The following DLEC1 variants were observed in gnomAD, a reference collection of about 807,000 sequenced individuals.
DLEC1 encodes the protein DLEC1 cilia and flagella associated protein.
Under a neutral mutation model 198.1 loss-of-function variants are expected in DLEC1, and 146 were observed. That is an observed-to-expected ratio of 0.74 (90% CI 0.64 to 0.85). The LOEUF is 0.85. Among genes scored for constraint, DLEC1 ranks in the 40% least tolerant of loss-of-function variants. DLEC1 has a pLI of 0.00. For synonymous variants in DLEC1, 897 were observed against 866.8 expected, an observed-to-expected ratio of 1.03 and a Z score of -0.61; for missense variants, 2,233 against 2,220.0, an observed-to-expected ratio of 1.01 and a Z score of -0.12.
At position 38,115,143 on chromosome 3, in the gene DLEC1, A is replaced by G. The variant is rs1007804042; in HGVS notation, c.3856+90A>G. 6.8e-6 allele frequency: 10 copies of G among 1,460,848 alleles called. No homozygotes were observed. The African/African-American group carries it at 1.4e-4, about 20-fold the overall frequency. 90.5% of individuals were successfully genotyped at this position (1,460,848 alleles called of 1,614,324 possible). ...GGGAGGGAAGGTGGGAGGGAAGCCG[A>G]TGGCCCATGAACAGGACCCAGGTGT... On this transcript the variant is annotated intron_variant, in intron 27 of 36. Coordinates refer to ENST00000308059, the MANE Select transcript of DLEC1 (RefSeq NM_007335.4).
chr3:38,095,141 T>G, intron 13 of DLEC1, 70 bp downstream of exon 13: 2 of 1,562,512 alleles, frequency 1.3e-6, no homozygotes, highest in South Asian at 2.4e-5. Context: ...CCTGTGTTCC[T>G]CAATCACACT....
chr3:38,060,698 ATT>A (rs11410521), intron 3 of DLEC1, among the ~76,000 whole-genome samples: 1 of 147,308 alleles, frequency 6.8e-6, no homozygotes, highest in Non-Finnish European at 1.5e-5. Flanking sequence ...GCCACTTAGT[ATT>A]TTTTTTTTTT....
At chr3:38,083,811 T>C (rs1356058300) in intron 6 of DLEC1, among the ~76,000 whole-genome samples, 2 of 144,608 alleles carry the variant, frequency 1.4e-5, no homozygotes, top group African/African-American at 5.2e-5. Flanking sequence ...TTTTTTTTTT[T>C]GGTAGAGAGA....
At position 38,059,757 on chromosome 3, in the gene DLEC1, G is replaced by A. The variant is rs76603930; in HGVS notation, c.578G>A (p.Arg193Lys). 4.9e-4 allele frequency: 798 copies of A among 1,614,072 alleles called. 4 individuals are homozygous for A. The African/African-American group carries it at 7.4e-3, about 15-fold the overall frequency. Reference protein sequence around the residue: ...VRLPPVKSVSRWCIDSELLRK... With the variant: ...VRLPPVKSVSKWCIDSELLRK... ...TTCTATGAAGTGAAGAGTGTCTCCA[G>A]ATGGTGTATAGACAGCGAGTTGCTA... The change falls in exon 3 of 37, where the codon AGA (arginine) becomes AAA (lysine). Residue 193 changes from arginine (R) to lysine (K), a missense_variant. Transcript: ENST00000308059.
At chr3:38,105,176 G>A (rs564732192) in intron 19 of DLEC1, among the ~76,000 whole-genome samples, 47 of 152,102 alleles carry the variant, frequency 3.1e-4, no homozygotes, top group Admixed American at 2.0e-3. Context: ...AATTATAGTC[G>A]TTTAAAACTT....
intron 1 of DLEC1, 117 bp from the exon 2 acceptor site, chr3:38,045,426 T>C: frequency 7.4e-7 from 1 of 1,354,254 alleles, no homozygotes; most frequent in Non-Finnish European, 9.9e-7. Context: ...GTTGGAATAG[T>C]TCTCTGACTA....
In DLEC1 at chr3:38,092,813, A is replaced by G; in HGVS notation, c.1689A>G (p.Leu563=). 6.2e-7 allele frequency: 1 copy of G among 1,614,184 alleles called. No homozygotes were observed. Among genetic ancestry groups the G allele is most frequent in the South Asian group, 1.1e-5 (1 of 91,090 alleles). The part of the protein sequence containing the change: ...LVEVLFSPKS[L]GKAEQTFIIM... ...AGGTCTTGTTTTCCCCAAAGAGCCT[A>G]GGAAAGGCAGAGCAGACCTTCATCA... The change falls in exon 11 of 37, where the codon CTA becomes CTG. Residue 563 remains leucine (L), a synonymous_variant. Coordinates refer to ENST00000308059, the MANE Select transcript of DLEC1 (RefSeq NM_007335.4).
At chr3:38,074,497 G>C (rs551241776) in intron 6 of DLEC1, among the ~76,000 whole-genome samples, 10 of 152,312 alleles carry the variant, frequency 6.6e-5, no homozygotes, top group Middle Eastern at 3.4e-3. Context: ...CTGGGTTTTC[G>C]TCTTTACCTT....
In DLEC1 at chr3:38,112,802, C is replaced by G. The variant is rs906755132; in HGVS notation, c.3666+441C>G. 2.0e-5 allele frequency among the ~76,000 whole-genome samples: 3 copies of G among 152,170 alleles called. No homozygotes were observed. Among genetic ancestry groups the G allele is most frequent in the Non-Finnish European group, 2.9e-5 (2 of 68,034 alleles). ...CCAGCACTCAGCATAAATGGAGTAT[C>G]TACTGTGTGTGGGTTCCTGTGTGGG... On this transcript the variant is annotated intron_variant, in intron 25 of 36. Transcript: ENST00000308059. This position sits in a 1 kb window ranked among gnomAD's most constrained non-coding sequence, Gnocchi z 4.8.
Position 38,092,848 on chromosome 3 carries a change from A to T in DLEC1, c.1724A>T (p.Asp575Val), listed in dbSNP as rs1376920706. The change falls in exon 11 of 37, where the codon GAC (aspartate) becomes GTC (valine). Residue 575 changes from aspartate to valine, a missense_variant. Coordinates refer to ENST00000308059, the MANE Select transcript of DLEC1 (RefSeq NM_007335.4). ...KAEQTFIIMC[D>V]NCQIKELVTI... The stretch of plus-strand genomic sequence containing the variant: ...GAGCAGACCTTCATCATCATGTGCG[A>T]CAACTGCCAGATAAAGGAGCTGGTG... 2 of 1,614,172 alleles carry T rather than the reference A, an allele frequency of 1.2e-6. No individual in the cohort carries two copies. Among genetic ancestry groups the T allele is most frequent in the South Asian group, 1.1e-5 (1 of 91,080 alleles).
At chr3:38,110,463 C>T (rs532711094) in intron 23 of DLEC1, among the ~76,000 whole-genome samples, 182 bp downstream of exon 23, 1 of 152,284 alleles carries the variant, frequency 6.6e-6, no homozygotes, top group East Asian at 1.9e-4. Flanking sequence ...CCTCCCGGGC[C>T]CTGAGTGGGC....
chr3:38,067,400 C>T (rs1386968829), intron 6 of DLEC1, among the ~76,000 whole-genome samples: 1 of 152,248 alleles, frequency 6.6e-6, no homozygotes, highest in Non-Finnish European at 1.5e-5. Flanking sequence ...AGGTTAATAA[C>T]TCTTAAGAGA....
rs556620947 is a variant in DLEC1 at position 38,063,347 on chromosome 3, C to A, written c.1095-494C>A. Among the ~76,000 whole-genome samples, 7 of 152,188 alleles carry A rather than the reference C, an allele frequency of 4.6e-5. No individual in the cohort carries two copies. In the East Asian group the frequency reaches 1.4e-3, roughly 29 times the overall value. On this transcript the variant is annotated intron_variant, in intron 5 of 36. Transcript: ENST00000308059. ...GTATGGTGGCATGCACCTGTGATCC[C>A]AGCCACTTGGGAGGCGGAAGTGGAA...
intron 5 of DLEC1, among the ~76,000 whole-genome samples, 179 bp from the exon 6 acceptor site, chr3:38,063,662 T>C (rs988565798): frequency 2.0e-5 from 3 of 152,254 alleles, no homozygotes; most frequent in Non-Finnish European, 4.4e-5. Context: ...GATCATACTG[T>C]AAAATTATTT....
At chr3:38,063,532 A>G (rs558625486) in intron 5 of DLEC1, among the ~76,000 whole-genome samples, 13 of 152,286 alleles carry the variant, frequency 8.5e-5, no homozygotes, top group Middle Eastern at 3.4e-3. Flanking sequence ...ATTAGAAAAG[A>G]CTAATATTTG....
Position 38,039,589 on chromosome 3 carries a change from G to T in DLEC1, c.364G>T (p.Gly122Cys). Residue 122 changes from glycine to cysteine, a missense_variant, in exon 1 of 37, where the codon GGC becomes TGC. Transcript: ENST00000308059. ...EVSASLIKAR[G>C]SENERHEEFV... ...GAGCGCAAGCTTGATCAAGGCCCGCGGCAGCGAGAATGAGCGCCACGAGGA... is the reference window on the plus strand; with the variant it reads ...GAGCGCAAGCTTGATCAAGGCCCGCTGCAGCGAGAATGAGCGCCACGAGGA... 1 of 1,612,038 alleles carries T rather than the reference G, an allele frequency of 6.2e-7. No individual in the cohort carries two copies. The highest frequency in any genetic ancestry group is 8.5e-7 in the Non-Finnish European group (1 of 1,178,778).
chr3:38,105,840 AT>A (rs1353554569), intron 19 of DLEC1, among the ~76,000 whole-genome samples: 3 of 151,356 alleles, frequency 2.0e-5, no homozygotes, highest in African/African-American at 7.3e-5. Context: ...TGTTTCCTGC[AT>A]TCCTTGTGTT....
At position 38,123,313 on chromosome 3, in the gene DLEC1, T is replaced by A; in HGVS notation, c.*901T>A. On this transcript the variant is annotated 3_prime_UTR_variant, in exon 37 of 37. Coordinates refer to ENST00000308059, the MANE Select transcript of DLEC1 (RefSeq NM_007335.4). ...GATGCCCACTGCAGGCTAGTATCCC[T>A]TTCAAGGCTGGCCCTTAAGGAAAAC... The A allele has an allele frequency of 1.7e-6, 1 of 597,292 alleles. No individual in the cohort carries two copies. The highest frequency in any genetic ancestry group is 3.0e-6 in the Non-Finnish European group (1 of 332,266). The allele number at this position is 597,292 out of a possible 1,614,324, so 37.0% of individuals were successfully genotyped here.
At chr3:38,078,168 G>C (rs924496989) in intron 6 of DLEC1, among the ~76,000 whole-genome samples, 3 of 152,152 alleles carry the variant, frequency 2.0e-5, no homozygotes, top group Non-Finnish European at 2.9e-5. Flanking sequence ...ATTGAGGTCC[G>C]GGCCAGGAAC....
Sources: gnomAD v4.1 joint callset for allele counts (sites outside exome capture counted in the v4.1 genomes callset) on GRCh38, gnomAD v4.1.1 for gene constraint, Gnocchi (gnomAD v3.1) non-coding constraint, MANE v1.5 for transcripts, NCBI Gene and HGNC (gene_info 2026-07-23, HGNC 2026-07-21) for gene names.